The following KIAA1328 variants were observed in gnomAD, a reference collection of about 807,000 sequenced individuals.
KIAA1328 encodes the protein KIAA1328.
A neutral mutation model predicts 68.1 loss-of-function variants in KIAA1328; 52 were observed. The ratio of observed to expected loss-of-function variants is 0.76; its 90% CI spans 0.61 to 0.96. KIAA1328 has a LOEUF of 0.96. Ranked by LOEUF, KIAA1328 falls within the 40% of genes least tolerant of loss-of-function variation. The probability of loss-of-function intolerance (pLI) is 0.00; values close to 1 mark genes in which losing one functional copy is unlikely to be tolerated. For synonymous variants in KIAA1328, 232 were observed against 239.4 expected (o/e 0.97, Z 0.28); for missense variants, 641 against 677.6 (o/e 0.95, Z 0.60).
intron 6 of KIAA1328, among the ~76,000 whole-genome samples, chr18:36,977,346 CTG>C (rs1568242449): frequency 6.6e-6 from 1 of 152,164 alleles, no homozygotes; most frequent in East Asian, 1.9e-4. Flanking sequence ...GTTTAATGCT[CTG>C]TTGATTTTGT....
chr18:37,038,887 G>A (rs1311684646), intron 6 of KIAA1328, among the ~76,000 whole-genome samples: 1 of 152,052 alleles, frequency 6.6e-6, no homozygotes, highest in African/African-American at 2.4e-5. Context: ...AGAAAGCTGT[G>A]TTCTTCCTAG....
chr18:37,065,046 A>G (rs141795474), intron 6 of KIAA1328, among the ~76,000 whole-genome samples: 46 of 152,210 alleles, frequency 3.0e-4, no homozygotes, highest in African/African-American at 1.0e-3. Context: ...TTACTGAAAA[A>G]CTCATATTTC....
intron 6 of KIAA1328, among the ~76,000 whole-genome samples, chr18:37,047,133 C>T (rs1274824500): frequency 1.3e-5 from 2 of 152,192 alleles, no homozygotes; most frequent in Admixed American, 1.3e-4. Flanking sequence ...TATCTACCAT[C>T]TGCCTAGTCT....
chr18:37,083,605 G>A (rs911257002), intron 7 of KIAA1328, among the ~76,000 whole-genome samples: 9 of 152,130 alleles, frequency 5.9e-5, no homozygotes, highest in African/African-American at 2.2e-4. Flanking sequence ...AGCATTGATG[G>A]ATACAGTGTC....
chr18:37,169,331 A>T (rs1156841752), intron 8 of KIAA1328, among the ~76,000 whole-genome samples: 1 of 151,610 alleles, frequency 6.6e-6, no homozygotes, highest in Non-Finnish European at 1.5e-5. Flanking sequence ...AGGCCCAGCT[A>T]ATTTTTTGTA....
At chr18:36,887,026 T>A (rs1056994791) in intron 5 of KIAA1328, among the ~76,000 whole-genome samples, 11 of 152,166 alleles carry the variant, frequency 7.2e-5, no homozygotes, top group Admixed American at 7.2e-4. Flanking sequence ...ATAAGGCTTG[T>A]TGGCCTCACA....
intron 9 of KIAA1328, 133 bp downstream of exon 9, chr18:37,173,214 G>A: frequency 3.1e-6 from 2 of 640,970 alleles, no homozygotes; most frequent in Non-Finnish European, 5.1e-6. Flanking sequence ...TTCTTTTGAA[G>A]CATCTAGATT....
chr18:36,829,550 C>G, intron 1 of KIAA1328: 1 of 740,854 alleles, frequency 1.3e-6, no homozygotes, highest in Middle Eastern at 5.3e-4. Context: ...CTTGAGTGTG[C>G]GGAGCTAGCT....
At chr18:36,944,021 T>C (rs1159110144) in intron 5 of KIAA1328, among the ~76,000 whole-genome samples, 1 of 152,242 alleles carries the variant, frequency 6.6e-6, no homozygotes, top group Non-Finnish European at 1.5e-5. Context: ...GCATTAACTC[T>C]TGTTATTTAA....
intron 7 of KIAA1328, among the ~76,000 whole-genome samples, chr18:37,073,794 T>C (rs2056615000): frequency 6.6e-6 from 1 of 152,234 alleles, no homozygotes; most frequent in African/African-American, 2.4e-5. Context: ...TCATAAGTGC[T>C]TTTTGCAGCA....
In KIAA1328 at chr18:37,080,547, C is replaced by T. The variant is rs532683621; in HGVS notation, c.1232+13002C>T. Among the ~76,000 whole-genome samples, 5 of 152,066 alleles carry T rather than the reference C, an allele frequency of 3.3e-5. No homozygotes were observed. In the East Asian group the frequency reaches 7.8e-4, roughly 24 times the overall value. On this transcript the variant is annotated intron_variant, in intron 7 of 9. Transcript: ENST00000280020. ...ATCCCAGCACTTTGGGAGGCCGAGG[C>T]GGGTGGATCACGAGGTCATGAGGTC... is the stretch of plus-strand genomic sequence containing the variant.
rs2054235110 is a variant in KIAA1328, at chr18:37,018,683, A to G, written c.577-48207A>G. ...GGTTAGTTAGAAAGATCAGTCCTCAATCTCTGAAACAGTTTCTTCTGCTTA... is the reference window on the plus strand; with the variant it reads ...GGTTAGTTAGAAAGATCAGTCCTCAGTCTCTGAAACAGTTTCTTCTGCTTA... On this transcript the variant is annotated intron_variant, in intron 6 of 9. Transcript: ENST00000280020. 2.6e-5 allele frequency among the ~76,000 whole-genome samples: 4 copies of G among 152,142 alleles called. No homozygotes were observed. The South Asian group carries it at 8.3e-4, about 32-fold the overall frequency.
At chr18:37,175,208 A>G (rs568873381) in intron 9 of KIAA1328, among the ~76,000 whole-genome samples, 123 of 152,340 alleles carry the variant, frequency 8.1e-4, no homozygotes, top group Middle Eastern at 6.8e-3. Context: ...ATTGTTAAAG[A>G]TTAAAATGAG....
chr18:36,886,296 A>G (rs1391034340), intron 5 of KIAA1328: 4 of 152,222 alleles, frequency 2.6e-5, no homozygotes, highest in Admixed American at 6.5e-5. Context: ...GCACTGCTGT[A>G]ATTGAGCTGG....
intron 5 of KIAA1328, among the ~76,000 whole-genome samples, chr18:36,926,837 C>T (rs954739300): frequency 4.6e-5 from 7 of 152,108 alleles, no homozygotes; most frequent in South Asian, 2.1e-4. Flanking sequence ...GTGTAATTGG[C>T]GCATGGTTCT....
chr18:37,074,033 A>C (rs2056623265), intron 7 of KIAA1328, among the ~76,000 whole-genome samples: 1 of 152,332 alleles, frequency 6.6e-6, no homozygotes, highest in East Asian at 1.9e-4. Context: ...TCATTGAACC[A>C]TTGGAAAATG....
chr18:37,222,391 T>A lies in KIAA1328; in HGVS notation c.*164T>A. 6.9e-7 allele frequency: 1 copy of A among 1,441,662 alleles called. No homozygotes were observed. Among genetic ancestry groups the A allele is most frequent in the Non-Finnish European group, 9.0e-7 (1 of 1,105,150 alleles). The allele number at this position is 1,441,662 out of a possible 1,614,324, so 89.3% of individuals were successfully genotyped here. A position where few individuals can be genotyped will look rare whatever the true frequency, so the allele number is the denominator to read the frequency against. On this transcript the variant is annotated 3_prime_UTR_variant, in exon 10 of 10. Coordinates refer to ENST00000280020, the MANE Select transcript of KIAA1328 (RefSeq NM_020776.3). ...ATAGAAATCATTCTAACAACCCAGGTTATTTTCAATCAGACCAGGCATTCG... is the reference window on the plus strand; with the variant it reads ...ATAGAAATCATTCTAACAACCCAGGATATTTTCAATCAGACCAGGCATTCG...
intron 7 of KIAA1328, among the ~76,000 whole-genome samples, chr18:37,112,923 A>G (rs1053858913): frequency 6.6e-6 from 1 of 152,228 alleles, no homozygotes; most frequent in African/African-American, 2.4e-5. Flanking sequence ...TTGAAGATCA[A>G]ATGAATGAAA....
At chr18:37,112,385 C>T (rs1327360757) in intron 7 of KIAA1328, among the ~76,000 whole-genome samples, 1 of 152,164 alleles carries the variant, frequency 6.6e-6, no homozygotes, top group African/African-American at 2.4e-5. Flanking sequence ...TCTGCAGCCT[C>T]CGCTGGTGAT....
Sources: allele counts gnomAD v4.1 joint callset (sites outside exome capture counted in the v4.1 genomes callset), GRCh38; gene constraint gnomAD v4.1.1; transcripts MANE v1.5; gene names NCBI Gene and HGNC (gene_info 2026-07-23, HGNC 2026-07-21).